KCNG2: variants seen among roughly 807,000 people sequenced by gnomAD.
KCNG2 encodes the protein voltage-gated potassium channel regulatory subunit KCNG2.
KCNG2 carries 7 observed loss-of-function variants against 12.3 expected under a neutral mutation model. That is an observed-to-expected ratio of 0.57 (90% CI 0.32 to 1.07). The LOEUF (loss-of-function observed/expected upper bound fraction) is 1.07, where lower values mean the gene tolerates loss of function less well. KCNG2 is among the 50% of genes least tolerant of loss of function. The probability of loss-of-function intolerance (pLI) is 0.04; values close to 1 mark genes in which losing one functional copy is unlikely to be tolerated. For synonymous variants in KCNG2, 414 were observed against 351.4 expected (o/e 1.18, Z -1.99); for missense variants, 703 against 726.0 (o/e 0.97, Z 0.36).
intron 3 of KCNG2, among the ~76,000 whole-genome samples, chr18:79,867,634 T>C (rs887189125): frequency 1.3e-4 from 20 of 149,712 alleles, no homozygotes; most frequent in African/African-American, 4.7e-4. Flanking sequence ...GGCCTGGGGG[T>C]TTGTGTTGCC....
rs568713742 is a variant in KCNG2, at chr18:79,875,337, C to T, written c.624+11046C>T. Among the ~76,000 whole-genome samples the T allele has an allele frequency of 2.0e-5, 3 of 152,298 alleles. No individual in the cohort carries two copies. The South Asian group carries it at 6.2e-4, about 32-fold the overall frequency. On this transcript the variant is annotated intron_variant, in intron 3 of 3. Transcript: ENST00000316249. ...CCTCTCAGTCCAACACCACGGAGCA[C>T]AGGCGGCCCTGGGCGCTCCCCTTGG...
intron 3 of KCNG2, among the ~76,000 whole-genome samples, chr18:79,880,909 T>A (rs1448918325): frequency 3.3e-5 from 5 of 152,248 alleles, no homozygotes; most frequent in Non-Finnish European, 7.3e-5. Context: ...CATTCATGAT[T>A]TTTAAAACAG....
chr18:79,813,501 CT>C (rs2087507200), intron 1 of KCNG2, among the ~76,000 whole-genome samples: 1 of 152,208 alleles, frequency 6.6e-6, no homozygotes, highest in Admixed American at 6.5e-5. Flanking sequence ...CATCTGAAGC[CT>C]TTTCAAGAAA....
intron 1 of KCNG2, among the ~76,000 whole-genome samples, chr18:79,839,449 A>G (rs920939269): frequency 1.5e-4 from 23 of 152,246 alleles, no homozygotes; most frequent in Admixed American, 1.0e-3. Context: ...ACAACTCTAC[A>G]TGCACATTTG....
intron 1 of KCNG2, among the ~76,000 whole-genome samples, chr18:79,837,575 C>T (rs1326422633): frequency 2.6e-5 from 4 of 152,236 alleles, no homozygotes; most frequent in Non-Finnish European, 2.9e-5. Flanking sequence ...ATCTCTACGG[C>T]AGGGGCAAAA....
At chr18:79,839,678 A>G (rs970216352) in intron 1 of KCNG2, among the ~76,000 whole-genome samples, 2 of 152,244 alleles carry the variant, frequency 1.3e-5, no homozygotes, top group African/African-American at 2.4e-5. Context: ...ATTAACACCA[A>G]TCTATACTGT....
chr18:79,807,851 AC>A (rs1343449099), intron 1 of KCNG2, among the ~76,000 whole-genome samples: 1 of 96,476 alleles, frequency 1.0e-5, no homozygotes, highest in African/African-American at 4.5e-5. Context: ...GGCCGCGCTG[AC>A]CACACTCCAC....
intron 3 of KCNG2, among the ~76,000 whole-genome samples, chr18:79,879,116 G>T (rs1980194562): frequency 6.6e-6 from 1 of 152,218 alleles, no homozygotes; most frequent in African/African-American, 2.4e-5. Context: ...GGGAGAACCT[G>T]CCCATAGACC....
At chr18:79,859,117 A>G (rs1979125489) in intron 2 of KCNG2, among the ~76,000 whole-genome samples, 1 of 152,040 alleles carries the variant, frequency 6.6e-6, no homozygotes, top group Non-Finnish European at 1.5e-5. Context: ...TGCTTTTGGC[A>G]TTCTGTTTCA....
At chr18:79,814,294 G>C (rs2087512612) in intron 1 of KCNG2, among the ~76,000 whole-genome samples, 2 of 152,118 alleles carry the variant, frequency 1.3e-5, no homozygotes, top group East Asian at 1.9e-4. Context: ...TAAAAACCTA[G>C]ACACAAATTT....
chr18:79,883,419 C>T (rs568628520), intron 3 of KCNG2, among the ~76,000 whole-genome samples: 1 of 152,366 alleles, frequency 6.6e-6, no homozygotes, highest in South Asian at 2.1e-4. Context: ...AATCTTTGGG[C>T]TCATTTCTGA....
At chr18:79,843,215 GA>G (rs924303844) in intron 1 of KCNG2, among the ~76,000 whole-genome samples, 13 of 150,936 alleles carry the variant, frequency 8.6e-5, no homozygotes, top group Admixed American at 3.3e-4. Flanking sequence ...CAAAGTGCTG[GA>G]AAAAAAAAGT....
intron 1 of KCNG2, among the ~76,000 whole-genome samples, chr18:79,851,041 A>G (rs1978798163): frequency 6.6e-6 from 1 of 152,198 alleles, no homozygotes; most frequent in African/African-American, 2.4e-5. Flanking sequence ...AATTCAGGAC[A>G]TGTCTGCCGT....
intron 1 of KCNG2, among the ~76,000 whole-genome samples, 79 bp from the exon 2 acceptor site, chr18:79,856,300 G>A (rs542114805): frequency 1.9e-4 from 29 of 152,326 alleles, no homozygotes; most frequent in Non-Finnish European, 2.8e-4. Context: ...GGGGTGGGGC[G>A]TCAGAGCCAC....
At chr18:79,808,042 C>T (rs1436930158) in intron 1 of KCNG2, among the ~76,000 whole-genome samples, 1 of 133,368 alleles carries the variant, frequency 7.5e-6, no homozygotes, top group Non-Finnish European at 1.6e-5. Context: ...CCACACTCCA[C>T]GTTACGGTCC....
intron 2 of KCNG2, among the ~76,000 whole-genome samples, chr18:79,857,590 C>T (rs1243069526): frequency 1.3e-5 from 2 of 151,886 alleles, no homozygotes; most frequent in Non-Finnish European, 2.9e-5. Flanking sequence ...CCTGACTTGC[C>T]GTAGTGGTGG....
At chr18:79,868,892 C>T (rs908150162) in intron 3 of KCNG2, among the ~76,000 whole-genome samples, 4 of 152,184 alleles carry the variant, frequency 2.6e-5, no homozygotes, top group African/African-American at 7.2e-5. Context: ...TGGGTGCGAG[C>T]GCTTCAGTGC....
chr18:79,897,054 C>A (rs1330794338), intron 3 of KCNG2, among the ~76,000 whole-genome samples: 1 of 152,182 alleles, frequency 6.6e-6, no homozygotes, highest in African/African-American at 2.4e-5. Context: ...ATGTGTCCAC[C>A]TGCGGGCCTC....
At chr18:79,812,346 T>G (rs2087498899) in intron 1 of KCNG2, among the ~76,000 whole-genome samples, 1 of 152,148 alleles carries the variant, frequency 6.6e-6, no homozygotes, top group Non-Finnish European at 1.5e-5. Context: ...CAAAGTAATA[T>G]TAATAATATG....
Sources: gnomAD v4.1 joint callset for allele counts (sites outside exome capture counted in the v4.1 genomes callset) on GRCh38, gnomAD v4.1.1 for gene constraint, MANE v1.5 for transcripts, NCBI Gene and HGNC (gene_info 2026-07-23, HGNC 2026-07-21) for gene names.